The following PCDH17 variants were observed in gnomAD, a reference collection of about 807,000 sequenced individuals.
PCDH17 encodes the protein protocadherin 17.
PCDH17 carries 21 observed loss-of-function variants against 67.7 expected under a neutral mutation model. That is an observed-to-expected ratio of 0.31 (90% CI 0.22 to 0.45). The LOEUF is 0.45. PCDH17 is among the 20% of genes least tolerant of loss of function. PCDH17 has a pLI of 1.00. For synonymous variants in PCDH17, 701 were observed against 656.7 expected (o/e 1.07, Z -1.03); for missense variants, 1,471 against 1,564.8 (o/e 0.94, Z 1.01).
At chr13:57,656,974 C>T (rs569546498) in intron 1 of PCDH17, among the ~76,000 whole-genome samples, 7 of 152,192 alleles carry the variant, frequency 4.6e-5, no homozygotes, top group Admixed American at 1.3e-4. Context: ...CTATTTTATG[C>T]GCTTTCATAG....
Position 57,728,844 on chromosome 13 carries a change from A to T in PCDH17, c.*3550A>T, listed in dbSNP as rs1955933020. The T allele has an allele frequency of 6.6e-6, 1 of 152,270 alleles. No individual in the cohort carries two copies. Among genetic ancestry groups the T allele is most frequent in the Admixed American group, 6.6e-5 (1 of 15,264 alleles). The allele number at this position is 152,270 out of a possible 1,614,324, so 9.4% of individuals were successfully genotyped here. A position where few individuals can be genotyped will look rare whatever the true frequency, so the allele number is the denominator to read the frequency against. On this transcript the variant is annotated 3_prime_UTR_variant, in exon 4 of 4. Transcript: ENST00000377918. Reference sequence around the variant, plus strand: ...ATTGTTCAATTTAAAATATGGCACCATAAAAAAGTCATGTAGTAATAGAGC... The same window carrying T: ...ATTGTTCAATTTAAAATATGGCACCTTAAAAAAGTCATGTAGTAATAGAGC...
chr13:57,668,905 A>G (rs1299128704), intron 3 of PCDH17, among the ~76,000 whole-genome samples: 3 of 152,094 alleles, frequency 2.0e-5, no homozygotes, highest in Admixed American at 1.3e-4. Context: ...GGTTTGTTAC[A>G]TATGTATGCA....
chr13:57,633,228 C>G lies in PCDH17; in HGVS notation c.682C>G (p.Gln228Glu). 2 of 1,613,278 alleles carry G rather than the reference C, an allele frequency of 1.2e-6. No homozygotes were observed. The highest frequency in any genetic ancestry group is 1.7e-6 in the Non-Finnish European group (2 of 1,179,984). The change falls in exon 1 of 4, where the codon CAG becomes GAG. Residue 228 changes from glutamine to glutamate, a missense_variant. Transcript: ENST00000377918. This position sits in a 1 kb window ranked among gnomAD's most constrained non-coding sequence, Gnocchi z 6.2. ...CGAGCCTCCACGTTCCGCCACCGTA[C>G]AGATCAACGTGAAGGTGATTGACTC... ...GGEPPRSATV[Q>E]INVKVIDSND...
intron 3 of PCDH17, among the ~76,000 whole-genome samples, chr13:57,684,768 A>G (rs1041912046): frequency 1.3e-5 from 2 of 151,998 alleles, no homozygotes; most frequent in African/African-American, 4.8e-5. Context: ...CACTGGTTTT[A>G]GAACTATGGT....
chr13:57,695,421 GAGAA>G (rs113739071), intron 3 of PCDH17, among the ~76,000 whole-genome samples: 121,749 of 146,850 alleles, frequency 0.83, 50,867 homozygotes, highest in African/African-American at 0.94. Context: ...GATAAAATGA[GAGAA>G]AGAAAGAAAG....
intron 3 of PCDH17, among the ~76,000 whole-genome samples, chr13:57,710,612 G>A (rs117737512): frequency 0.027 from 4,146 of 151,890 alleles, 81 homozygotes; most frequent in Non-Finnish European, 0.043. Flanking sequence ...ACCATTCTAC[G>A]TCTGGATATC....
Position 57,633,894 on chromosome 13 carries a change from C to G in PCDH17, c.1348C>G (p.Pro450Ala), listed in dbSNP as rs1363910695. 6.2e-7 allele frequency: 1 copy of G among 1,613,200 alleles called. No individual in the cohort carries two copies. Among genetic ancestry groups the G allele is most frequent in the South Asian group, 1.1e-5 (1 of 91,082 alleles). The change falls in exon 1 of 4, where the codon CCT (proline) becomes GCT (alanine). Residue 450 changes from proline (P) to alanine (A), a missense_variant. Physicochemically the swap from Pro to Ala is conservative, Grantham distance 27. This residue lies in a region of PCDH17 where 1,163 missense variants were observed against 1,230.0 expected (regional missense o/e 0.95). Transcript: ENST00000377918. This position sits in a 1 kb window ranked among gnomAD's most constrained non-coding sequence, Gnocchi z 6.2. ...VTIVARDGGS[P>A]PLNSTKSFAI... is the part of the protein sequence containing the mutation. ...CATCGTGGCGCGGGACGGGGGCTCT[C>G]CTCCCCTCAACTCCACCAAGTCGTT...
intron 3 of PCDH17, among the ~76,000 whole-genome samples, chr13:57,676,859 A>T (rs1205148472): frequency 6.6e-6 from 1 of 151,884 alleles, no homozygotes; most frequent in East Asian, 1.9e-4. Flanking sequence ...AAATATACTG[A>T]GCTGGTTGTA....
At position 57,632,834 on chromosome 13, in the gene PCDH17, C is replaced by G; in HGVS notation, c.288C>G (p.Cys96Trp). 6.2e-7 allele frequency: 1 copy of G among 1,613,856 alleles called. No individual in the cohort carries two copies. The highest frequency in any genetic ancestry group is 8.5e-7 in the Non-Finnish European group (1 of 1,180,008). Reference protein sequence around the residue: ...TKQRIDRESLCRHNAKCQLSL... With the variant: ...TKQRIDRESLWRHNAKCQLSL... ...AGCGCATCGACCGCGAGTCCCTGTG[C>G]CGCCACAATGCCAAGTGCCAGCTGT... The change falls in exon 1 of 4, where the codon TGC (cysteine) becomes TGG (tryptophan). Residue 96 changes from cysteine to tryptophan, a missense_variant. Cys to Trp is a radical substitution (Grantham distance 215). Transcript: ENST00000377918.
chr13:57,671,321 T>C (rs190969424), intron 3 of PCDH17, among the ~76,000 whole-genome samples: 93 of 151,826 alleles, frequency 6.1e-4, no homozygotes, highest in African/African-American at 2.2e-3. Flanking sequence ...ATCTGATCCT[T>C]TTTTTTAATG....
At chr13:57,653,157 T>A (rs12429279) in intron 1 of PCDH17, among the ~76,000 whole-genome samples, 13,290 of 152,148 alleles carry the variant, frequency 0.087, 811 homozygotes, top group Admixed American at 0.14. Flanking sequence ...ATTTATTTAA[T>A]TTTATTAAAT....
chr13:57,718,619 A>C (rs1446979502), intron 3 of PCDH17, among the ~76,000 whole-genome samples: 1 of 152,042 alleles, frequency 6.6e-6, no homozygotes, highest in Non-Finnish European at 1.5e-5. Flanking sequence ...ACATAGCCAA[A>C]AAAAGAAAGA....
At position 57,632,048 on chromosome 13, in the gene PCDH17, AC is replaced by A. The variant is rs1167358555; in HGVS notation, c.-498del. ...TTCACTTTCGGATCTGCCTAGAGAC[AC>A]ACCTCCCTGCTCCCTCCCCCACTCG... On this transcript the variant is annotated 5_prime_UTR_variant, in exon 1 of 4. Transcript: ENST00000377918. 1 of 182,400 alleles carries A rather than the reference AC, an allele frequency of 5.5e-6. No individual in the cohort carries two copies. The highest frequency in any genetic ancestry group is 1.1e-5 in the Non-Finnish European group (1 of 88,624). 11.3% of individuals were successfully genotyped at this position (182,400 alleles called of 1,614,324 possible). A position where few individuals can be genotyped will look rare whatever the true frequency, so the allele number is the denominator to read the frequency against.
chr13:57,665,558 G>T (rs978294085), intron 1 of PCDH17, among the ~76,000 whole-genome samples: 2 of 152,084 alleles, frequency 1.3e-5, no homozygotes, highest in Non-Finnish European at 2.9e-5. Flanking sequence ...ATAATGCCGT[G>T]ATATGAAGTG....
In PCDH17 at chr13:57,725,311, A is replaced by AG. The variant is rs397780990; in HGVS notation, c.*19dup. 1.6e-4 allele frequency: 254 copies of AG among 1,573,934 alleles called. No homozygotes were observed. The highest frequency in any genetic ancestry group is 3.5e-5 in the Non-Finnish European group (41 of 1,159,144). On this transcript the variant is annotated 3_prime_UTR_variant, in exon 4 of 4. Transcript: ENST00000377918. Reference sequence around the variant, plus strand: ...AGAAAGTGAAAAAAGAAAAAAAAAAAGGCATTGGCATTTTCTTGTCTCTTC... The same window carrying AG: ...AGAAAGTGAAAAAAGAAAAAAAAAAAGGGCATTGGCATTTTCTTGTCTCTTC...
intron 1 of PCDH17, among the ~76,000 whole-genome samples, chr13:57,663,831 T>C (rs931430213): frequency 6.6e-6 from 1 of 152,170 alleles, no homozygotes; most frequent in African/African-American, 2.4e-5. Context: ...TGCTTCCTCC[T>C]CGTTCCTGTA....
intron 3 of PCDH17, among the ~76,000 whole-genome samples, chr13:57,668,899 T>G (rs1192928358): frequency 6.6e-6 from 1 of 152,116 alleles, no homozygotes; most frequent in East Asian, 1.9e-4. Flanking sequence ...CGTGCAGGTT[T>G]GTTACATATG....
At chr13:57,694,118 C>A (rs1955584872) in intron 3 of PCDH17, among the ~76,000 whole-genome samples, 1 of 150,968 alleles carries the variant, frequency 6.6e-6, no homozygotes, top group Non-Finnish European at 1.5e-5. Context: ...CTTGATTTGG[C>A]AAAGTTGAGT....
At chr13:57,645,055 ATT>A (rs1198301913) in intron 1 of PCDH17, among the ~76,000 whole-genome samples, 1 of 151,682 alleles carries the variant, frequency 6.6e-6, no homozygotes, top group Non-Finnish European at 1.5e-5. Context: ...ATAACAAGAA[ATT>A]TAACACCCAA....
Sources: gnomAD v4.1 joint callset for allele counts (sites outside exome capture counted in the v4.1 genomes callset) on GRCh38, gnomAD v4.1.1 for gene constraint, gnomAD v4.1.1 regional missense constraint, Gnocchi (gnomAD v3.1) non-coding constraint, MANE v1.5 for transcripts, NCBI Gene and HGNC (gene_info 2026-07-23, HGNC 2026-07-21) for gene names.